LNPEP: variants seen among roughly 807,000 people sequenced by gnomAD.
LNPEP encodes leucyl-cystinyl aminopeptidase.
LNPEP carries 64 observed loss-of-function variants against 120.6 expected under a neutral mutation model. The observed-to-expected ratio is 0.53, with a 90% CI of 0.43 to 0.65. The LOEUF is 0.65. Ranked by LOEUF, LNPEP falls within the 30% of genes least tolerant of loss-of-function variation. The pLI is 0.00. For missense variants in LNPEP, 1,057 were observed against 1,200.0 expected, an observed-to-expected ratio of 0.88 and a Z score of 1.76; for synonymous variants, 435 against 425.4, an observed-to-expected ratio of 1.02 and a Z score of -0.28.
In LNPEP at chr5:97,033,430, C is replaced by A. The variant is rs1021974914; in HGVS notation, c.*4897C>A. 6.6e-6 allele frequency: 1 copy of A among 152,220 alleles called. No homozygotes were observed. Among genetic ancestry groups the A allele is most frequent in the East Asian group, 1.9e-4 (1 of 5,200 alleles). 9.4% of individuals were successfully genotyped at this position (152,220 alleles called of 1,614,324 possible). A position where few individuals can be genotyped will look rare whatever the true frequency, so the allele number is the denominator to read the frequency against. On this transcript the variant is annotated 3_prime_UTR_variant, in exon 18 of 18. Coordinates refer to ENST00000231368, the MANE Select transcript of LNPEP (RefSeq NM_005575.3). ...AGTTCCGGATGTATAACAGTCTCCT[C>A]TTTTCCCTTTCCCTTATTGCCCATG... is the stretch of plus-strand genomic sequence containing the variant.
In LNPEP at chr5:97,006,241, C is replaced by T; in HGVS notation, c.1946+8C>T. ...TCAGCCTTCAGATACAAGGTACATG[C>T]CCTCTTTCTTTTCATGCCATCTCTT... On this transcript the variant is annotated splice_region_variant and intron_variant, in intron 10 of 17. Coordinates refer to ENST00000231368, the MANE Select transcript of LNPEP (RefSeq NM_005575.3). The T allele has an allele frequency of 1.3e-6, 2 of 1,590,594 alleles. No individual in the cohort carries two copies. The highest frequency in any genetic ancestry group is 1.7e-6 in the Non-Finnish European group (2 of 1,169,664).
chr5:97,021,927 T>TTC, intron 13 of LNPEP, among the ~76,000 whole-genome samples: 1 of 132,366 alleles, frequency 7.6e-6, no homozygotes, highest in Non-Finnish European at 1.6e-5. Flanking sequence ...TCTTTTGTTT[T>TTC]TTTTTTTTTT....
intron 1 of LNPEP, among the ~76,000 whole-genome samples, chr5:96,946,973 A>T (rs1306601994): frequency 2.0e-5 from 3 of 152,182 alleles, no homozygotes; most frequent in Admixed American, 6.5e-5. Context: ...TAACTCACAG[A>T]TACTCATTAT....
rs1467195281 is a variant in LNPEP, at chr5:97,037,093, A to C, written c.*8560A>C. 2 of 152,184 alleles carry C rather than the reference A, an allele frequency of 1.3e-5. No homozygotes were observed. Among genetic ancestry groups the C allele is most frequent in the African/African-American group, 4.8e-5 (2 of 41,434 alleles). 9.4% of individuals were successfully genotyped at this position (152,184 alleles called of 1,614,324 possible). A position where few individuals can be genotyped will look rare whatever the true frequency, so the allele number is the denominator to read the frequency against. ...AATTGGAGCATTTGCATTAATCAAC[A>C]AACTCACATTGAGACAAAACTTAGT... On this transcript the variant is annotated 3_prime_UTR_variant, in exon 18 of 18. Transcript: ENST00000231368.
Position 97,006,445 on chromosome 5 carries a change from A to G in LNPEP, c.1965A>G (p.Pro655=). 1 of 1,577,948 alleles carries G rather than the reference A, an allele frequency of 6.3e-7. No homozygotes were observed. Among genetic ancestry groups the G allele is most frequent in the Non-Finnish European group, 8.7e-7 (1 of 1,148,992 alleles). The change falls in exon 11 of 18, where the codon CCA becomes CCG. Residue 655 remains proline (P), a synonymous_variant. Transcript: ENST00000231368. ...TTTACAGCTACCTGTGGCATATTCC[A>G]CTATCCTATGTCACTGAAGGAAGAA... ...PSDTSYLWHI[P]LSYVTEGRNY...
chr5:96,949,710 T>G (rs1360887671), intron 1 of LNPEP, among the ~76,000 whole-genome samples: 4 of 152,200 alleles, frequency 2.6e-5, no homozygotes, highest in Non-Finnish European at 5.9e-5. Flanking sequence ...CGAAAAACAT[T>G]AATTACATAT....
At chr5:96,937,548 G>T (rs962189071) in intron 1 of LNPEP, 2 of 152,210 alleles carry the variant, frequency 1.3e-5, no homozygotes, top group Non-Finnish European at 2.9e-5. Context: ...TGTAAAATAT[G>T]TTTAATACAA....
At chr5:96,974,000 A>G (rs1371638231) in intron 1 of LNPEP, among the ~76,000 whole-genome samples, 1 of 151,892 alleles carries the variant, frequency 6.6e-6, no homozygotes, top group African/African-American at 2.4e-5. Context: ...TCTGTCTCCT[A>G]CCTCTGCTTT....
intron 1 of LNPEP, among the ~76,000 whole-genome samples, chr5:96,960,352 G>A (rs949678593): frequency 1.3e-5 from 2 of 152,172 alleles, no homozygotes; most frequent in Non-Finnish European, 2.9e-5. Flanking sequence ...CTTCAGTTAC[G>A]CTAACAAGTC....
intron 1 of LNPEP, among the ~76,000 whole-genome samples, chr5:96,958,214 A>G (rs1371876658): frequency 1.3e-5 from 2 of 152,216 alleles, no homozygotes; most frequent in East Asian, 3.8e-4. Flanking sequence ...AAATGTGGAC[A>G]CCTGTGAAGC....
Position 96,986,531 on chromosome 5 carries a change from G to C in LNPEP, c.1000-8G>C. ...GTTACAGAACTGTCTTTTCCCCTTTGCTTGTAGAAGTCATCAGTCGTTCTA... is the reference window on the plus strand; with the variant it reads ...GTTACAGAACTGTCTTTTCCCCTTTCCTTGTAGAAGTCATCAGTCGTTCTA... On this transcript the variant is annotated splice_polypyrimidine_tract_variant and splice_region_variant and intron_variant, in intron 3 of 17. Coordinates refer to ENST00000231368, the MANE Select transcript of LNPEP (RefSeq NM_005575.3). The C allele has an allele frequency of 6.2e-7, 1 of 1,610,500 alleles. No individual in the cohort carries two copies.
chr5:96,941,395 G>A (rs1376785494), intron 1 of LNPEP, among the ~76,000 whole-genome samples: 1 of 152,160 alleles, frequency 6.6e-6, no homozygotes, highest in Non-Finnish European at 1.5e-5. Flanking sequence ...ACTGTAGGGG[G>A]CTGGAGTTGA....
intron 1 of LNPEP, among the ~76,000 whole-genome samples, chr5:96,968,212 G>A (rs996986340): frequency 2.0e-5 from 3 of 151,942 alleles, no homozygotes; most frequent in African/African-American, 7.2e-5. Flanking sequence ...CATAATTCTG[G>A]AATGATTGTT....
chr5:97,016,332 A>G (rs951709823), intron 13 of LNPEP, among the ~76,000 whole-genome samples: 1 of 152,180 alleles, frequency 6.6e-6, no homozygotes, highest in Non-Finnish European at 1.5e-5. Flanking sequence ...GAAACACACC[A>G]GAAACAAGTG....
intron 6 of LNPEP, 69 bp downstream of exon 6, chr5:96,994,040 A>T: frequency 7.9e-7 from 1 of 1,270,400 alleles, no homozygotes; most frequent in South Asian, 1.5e-5. Context: ...TATTGTTAGC[A>T]TTTAGATGCT....
At chr5:97,023,690 T>C (rs1461989230) in intron 14 of LNPEP, among the ~76,000 whole-genome samples, 1 of 152,192 alleles carries the variant, frequency 6.6e-6, no homozygotes, top group Non-Finnish European at 1.5e-5. Context: ...GCCATGAACA[T>C]TGGTGTGCAA....
intron 1 of LNPEP, among the ~76,000 whole-genome samples, chr5:96,941,121 A>C (rs1257593712): frequency 1.3e-5 from 2 of 152,224 alleles, no homozygotes; most frequent in Admixed American, 1.3e-4. Context: ...AGACAGTGAC[A>C]GATCAGGCAT....
intron 3 of LNPEP, 33 bp downstream of exon 3, chr5:96,985,251 T>C: frequency 6.4e-7 from 1 of 1,568,624 alleles, no homozygotes; most frequent in Admixed American, 1.9e-5. Context: ...TAAAAATCTT[T>C]GAATGGGTCT....
intron 4 of LNPEP, among the ~76,000 whole-genome samples, chr5:96,989,960 G>A (rs1227756994): frequency 6.6e-6 from 1 of 152,166 alleles, no homozygotes; most frequent in East Asian, 1.9e-4. Context: ...CTAAGGAAAG[G>A]TGCTCAGTGA....
Sources: allele counts gnomAD v4.1 joint callset (sites outside exome capture counted in the v4.1 genomes callset), GRCh38; gene constraint gnomAD v4.1.1; transcripts MANE v1.5; gene names NCBI Gene and HGNC (gene_info 2026-07-23, HGNC 2026-07-21).